The following GPR19 variants were observed in gnomAD, a reference collection of about 807,000 sequenced individuals.
The protein encoded by GPR19 is probable G protein-coupled receptor 19.
A neutral mutation model predicts 28.5 loss-of-function variants in GPR19; 14 were observed. The observed-to-expected ratio is 0.49, with a 90% CI of 0.32 to 0.77. The LOEUF is 0.77. Ranked by LOEUF, GPR19 falls within the 30% of genes least tolerant of loss-of-function variation. GPR19 has a pLI of 0.03. For synonymous variants in GPR19, 173 were observed against 184.1 expected, an observed-to-expected ratio of 0.94 and a Z score of 0.49; for missense variants, 409 against 504.1, an observed-to-expected ratio of 0.81 and a Z score of 1.81.
intron 2 of GPR19, among the ~76,000 whole-genome samples, chr12:12,693,849 C>T (rs1272995564): frequency 1.3e-5 from 2 of 152,040 alleles, no homozygotes; most frequent in African/African-American, 4.8e-5. Context: ...ATTACAAGCG[C>T]GTGCCACCAC....
the GPR19 span, among the ~76,000 whole-genome samples, chr12:12,704,212 T>C: frequency 6.6e-6 from 1 of 152,206 alleles, no homozygotes; most frequent in Non-Finnish European, 1.5e-5. Flanking sequence ...GTTAAAACAC[T>C]ATCATAAGGC....
chr12:12,679,428 CAAAAAA>C (rs3080711), intron 3 of GPR19, among the ~76,000 whole-genome samples: 1 of 124,004 alleles, frequency 8.1e-6, no homozygotes. Context: ...CTGTCTCTAT[CAAAAAA>C]AAAAAAAAAA....
the GPR19 span, among the ~76,000 whole-genome samples, chr12:12,710,695 C>A: frequency 1.3e-5 from 2 of 152,042 alleles, no homozygotes; most frequent in East Asian, 3.8e-4. Context: ...CAACACTGTG[C>A]CCAGCTGTTT....
At chr12:12,676,594 T>C (rs908006033) in intron 3 of GPR19, among the ~76,000 whole-genome samples, 1 of 152,194 alleles carries the variant, frequency 6.6e-6, no homozygotes, top group Admixed American at 6.5e-5. Context: ...CCTAGATGTG[T>C]CAACAACTTC....
intron 3 of GPR19, among the ~76,000 whole-genome samples, chr12:12,666,905 T>G (rs941252691): frequency 6.6e-6 from 1 of 152,208 alleles, no homozygotes; most frequent in Admixed American, 6.5e-5. Flanking sequence ...CCAGGTCAAC[T>G]GCTATATGAA....
At chr12:12,716,974 C>T in the GPR19 span, 2 of 991,922 alleles carry the variant, frequency 2.0e-6, no homozygotes, top group Non-Finnish European at 2.4e-6. Flanking sequence ...CCTTCGCGGT[C>T]CTCTGGTCCA....
At chr12:12,668,288 G>A (rs1225993124) in intron 3 of GPR19, among the ~76,000 whole-genome samples, 4 of 152,016 alleles carry the variant, frequency 2.6e-5, no homozygotes, top group South Asian at 2.1e-4. Context: ...TGGTTCCTTC[G>A]GTATTATGTT....
upstream of GPR19, among the ~76,000 whole-genome samples, chr12:12,697,243 A>G (rs1946280617): frequency 6.6e-6 from 1 of 151,294 alleles, no homozygotes; most frequent in South Asian, 2.1e-4. Flanking sequence ...AGCACAAGCC[A>G]ACAAACAAAT....
intron 3 of GPR19, among the ~76,000 whole-genome samples, chr12:12,671,332 A>G (rs991283339): frequency 3.9e-5 from 6 of 151,900 alleles, no homozygotes; most frequent in African/African-American, 1.5e-4. Context: ...TTTCCATTAG[A>G]TATTTTAAAT....
At chr12:12,698,777 A>AT (rs1434821485), upstream of GPR19, among the ~76,000 whole-genome samples, 5 of 151,690 alleles carry the variant, frequency 3.3e-5, no homozygotes, top group Admixed American at 3.3e-4. Flanking sequence ...CGCCCGGCTA[A>AT]TTTTTTGTAT....
the GPR19 span, among the ~76,000 whole-genome samples, chr12:12,704,394 C>T: frequency 6.6e-6 from 1 of 152,118 alleles, no homozygotes. Context: ...CCCAGCTACT[C>T]AGGAGGCTGA....
the GPR19 span, among the ~76,000 whole-genome samples, chr12:12,702,264 AAAT>A: frequency 6.6e-6 from 1 of 151,528 alleles, no homozygotes; most frequent in Non-Finnish European, 1.5e-5. Flanking sequence ...AGAATAGAAT[AAAT>A]AATATAATAT....
the GPR19 span, among the ~76,000 whole-genome samples, chr12:12,713,331 C>G: frequency 6.6e-6 from 1 of 152,092 alleles, no homozygotes; most frequent in East Asian, 1.9e-4. Flanking sequence ...TTCCAAAGTG[C>G]TAGGATTATA....
upstream of GPR19, among the ~76,000 whole-genome samples, chr12:12,700,346 C>T (rs1946313591): frequency 1.3e-5 from 2 of 149,094 alleles, no homozygotes; most frequent in Admixed American, 6.6e-5. Context: ...CACCACCACA[C>T]CTGGCTATTT....
At chr12:12,691,934 A>G (rs1409714447) in intron 2 of GPR19, among the ~76,000 whole-genome samples, 1 of 152,200 alleles carries the variant, frequency 6.6e-6, no homozygotes, top group East Asian at 1.9e-4. Context: ...CCAGTCCTAT[A>G]TAACAATCAA....
rs3080708 is a variant in GPR19, at chr12:12,667,696, GAAA to G, written c.-22-5229_-22-5227del. On this transcript the variant is annotated intron_variant, in intron 3 of 3. Coordinates refer to ENST00000651487, the MANE Select transcript of GPR19 (RefSeq NM_006143.3). ...AGAGTGAGACTCTGCATCTCAATTA[GAAA>G]AAAAAAAAAAAAAAGAACTGGGGAC... Among the ~76,000 whole-genome samples, 107 of 122,014 alleles carry G rather than the reference GAAA, an allele frequency of 8.8e-4. No homozygotes were observed. The East Asian group carries it at 0.013, about 15-fold the overall frequency. 80.0% of individuals were successfully genotyped at this position (122,014 alleles called of 152,430 possible).
the GPR19 span, among the ~76,000 whole-genome samples, chr12:12,714,439 T>C: frequency 3.3e-5 from 5 of 152,208 alleles, no homozygotes; most frequent in Non-Finnish European, 7.3e-5. Flanking sequence ...CACTTGTCTA[T>C]GACACAGGTG....
chr12:12,664,031 T>TC (rs763365725), intron 3 of GPR19, among the ~76,000 whole-genome samples: 4 of 152,238 alleles, frequency 2.6e-5, no homozygotes, highest in South Asian at 4.2e-4. Flanking sequence ...TCTCGCTCCG[T>TC]CCCCCGGGCT....
chr12:12,711,470 C>T, the GPR19 span, among the ~76,000 whole-genome samples: 2 of 151,932 alleles, frequency 1.3e-5, no homozygotes, highest in African/African-American at 4.8e-5. Flanking sequence ...GAGGGGGTCA[C>T]ATGACAGGTT....
Sources: allele counts gnomAD v4.1 joint callset (sites outside exome capture counted in the v4.1 genomes callset), GRCh38; gene constraint gnomAD v4.1.1; transcripts MANE v1.5; gene names NCBI Gene and HGNC (gene_info 2026-07-23, HGNC 2026-07-21).